The following STKLD1 variants were observed in gnomAD, a reference collection of about 807,000 sequenced individuals.
STKLD1 encodes serine/threonine kinase like domain containing 1, also known as serine/threonine kinase-like domain-containing protein STKLD1.
In STKLD1, 79 loss-of-function variants were observed where a neutral mutation model predicts 80.4. That is an observed-to-expected ratio of 0.98 (90% CI 0.82 to 1.19). The LOEUF (loss-of-function observed/expected upper bound fraction) is 1.19, where lower values mean the gene tolerates loss of function less well. STKLD1 is among the 50% of genes most tolerant of loss of function. STKLD1 has a pLI of 0.00. For missense variants in STKLD1, 841 were observed against 856.0 expected (o/e 0.98, Z 0.22); for synonymous variants, 393 against 357.6 (o/e 1.10, Z -1.12).
At chr9:133,397,016 AC>A (rs782384733) in intron 9 of STKLD1, 147 bp from the exon 10 acceptor site, 54 of 1,171,772 alleles carry the variant, frequency 4.6e-5, no homozygotes, top group Non-Finnish European at 6.3e-5. Flanking sequence ...ACTATGAGAG[AC>A]CCTGCCAAAT....
chr9:133,379,748 A>C (rs922206997), intron 2 of STKLD1, among the ~76,000 whole-genome samples: 1 of 152,112 alleles, frequency 6.6e-6, no homozygotes, highest in Non-Finnish European at 1.5e-5. Flanking sequence ...AGATCAACAG[A>C]GGGACTAGGG....
At chr9:133,382,649 G>A (rs1454967729) in intron 2 of STKLD1, among the ~76,000 whole-genome samples, 4 of 151,452 alleles carry the variant, frequency 2.6e-5, no homozygotes, top group African/African-American at 7.3e-5. Flanking sequence ...GATGATGGTG[G>A]TGGTGGTGTG....
rs2130253970 is a variant in STKLD1, at chr9:133,377,436, C to T, written c.87+876C>T. The stretch of plus-strand genomic sequence containing the variant: ...TCCCCAACACTTTGGGAGGCCAAGG[C>T]GGGCGGATCACCTGAGATCGGGAGT... On this transcript the variant is annotated intron_variant, in intron 1 of 17. Coordinates refer to ENST00000371957, the MANE Select transcript of STKLD1 (RefSeq NM_153710.5). 1.4e-4 allele frequency among the ~76,000 whole-genome samples: 21 copies of T among 152,320 alleles called. No homozygotes were observed. In the East Asian group the frequency reaches 2.7e-3, roughly 20 times the overall value.
Position 133,385,575 on chromosome 9 carries a change from A to C in STKLD1, c.220-42A>C. The C allele has an allele frequency of 1.3e-6, 2 of 1,594,204 alleles. No individual in the cohort carries two copies. The highest frequency in any genetic ancestry group is 2.2e-5 in the South Asian group (2 of 90,538). On this transcript the variant is annotated intron_variant, in intron 3 of 17. Coordinates refer to ENST00000371957, the MANE Select transcript of STKLD1 (RefSeq NM_153710.5). The surrounding 1 kb of genome is among the most constrained non-coding windows in gnomAD (Gnocchi z 4.9). ...GAAGCCCGAGCTGAGAAAGGCGTGG[A>C]GAGGCACTGACTTCTCCGTTTCCTC... is the stretch of plus-strand genomic sequence containing the variant.
intron 12 of STKLD1, among the ~76,000 whole-genome samples, chr9:133,400,946 G>A (rs1051704259): frequency 8.5e-5 from 13 of 152,284 alleles, no homozygotes; most frequent in African/African-American, 2.9e-4. Context: ...TGGACACGAG[G>A]TCCTCTGGAG....
Position 133,385,322 on chromosome 9 carries a change from T to A in STKLD1, c.220-295T>A, listed in dbSNP as rs1224087560. On this transcript the variant is annotated intron_variant, in intron 3 of 17. Transcript: ENST00000371957. The surrounding 1 kb of genome is among the most constrained non-coding windows in gnomAD (Gnocchi z 4.9). Reference sequence around the variant, plus strand: ...TGATCCCCACCTTCCTGGCACTGCCTGCCACAGCTCACTCACCCCCCATGG... The same window carrying A: ...TGATCCCCACCTTCCTGGCACTGCCAGCCACAGCTCACTCACCCCCCATGG... Among the ~76,000 whole-genome samples, 1 of 152,204 alleles carries A rather than the reference T, an allele frequency of 6.6e-6. No homozygotes were observed. The highest frequency in any genetic ancestry group is 1.5e-5 in the Non-Finnish European group (1 of 68,028).
chr9:133,395,014 A>G (rs587667229), intron 8 of STKLD1, among the ~76,000 whole-genome samples: 1 of 152,262 alleles, frequency 6.6e-6, no homozygotes, highest in East Asian at 1.9e-4. Context: ...TATCCTCTAT[A>G]TGCAGAAGAG....
chr9:133,383,213 ATGG>A (rs1206904204), intron 2 of STKLD1, among the ~76,000 whole-genome samples: 3 of 146,902 alleles, frequency 2.0e-5, no homozygotes, highest in South Asian at 2.3e-4. Flanking sequence ...TTTGGTAATG[ATGG>A]TGGTGATGGT....
intron 2 of STKLD1, among the ~76,000 whole-genome samples, chr9:133,379,956 G>C (rs1838095064): frequency 6.6e-6 from 1 of 152,176 alleles, no homozygotes; most frequent in Admixed American, 6.5e-5. Context: ...CTGCTCCCTT[G>C]CTGGCTGGCT....
intron 1 of STKLD1, among the ~76,000 whole-genome samples, chr9:133,377,491 C>T (rs1406198164): frequency 1.3e-5 from 2 of 152,170 alleles, no homozygotes; most frequent in Non-Finnish European, 2.9e-5. Flanking sequence ...CATGGAGAAA[C>T]TGTCTCTACT....
At chr9:133,397,765 A>G (rs587597896) in intron 10 of STKLD1, among the ~76,000 whole-genome samples, 1 of 152,196 alleles carries the variant, frequency 6.6e-6, no homozygotes, top group East Asian at 1.9e-4. Flanking sequence ...CAAGACAGAG[A>G]CTTGGGTTCT....
chr9:133,376,920 C>T (rs956420916), intron 1 of STKLD1, among the ~76,000 whole-genome samples: 1 of 152,106 alleles, frequency 6.6e-6, no homozygotes, highest in African/African-American at 2.4e-5. Context: ...CCTAAAAACA[C>T]CCCTGCAGCG....
intron 9 of STKLD1, among the ~76,000 whole-genome samples, chr9:133,396,841 G>A (rs1421628140): frequency 1.3e-5 from 2 of 152,118 alleles, no homozygotes; most frequent in Admixed American, 6.5e-5. Context: ...TTATACCAAC[G>A]CAGTTGTAAA....
In STKLD1 at chr9:133,389,639, G is replaced by A. The variant is rs2130284788; in HGVS notation, c.467+43G>A. 42 of 1,610,370 alleles carry A rather than the reference G, an allele frequency of 2.6e-5. 1 individual carries two copies. The Middle Eastern group carries it at 2.6e-3, about 101-fold the overall frequency. On this transcript the variant is annotated intron_variant, in intron 6 of 17. Coordinates refer to ENST00000371957, the MANE Select transcript of STKLD1 (RefSeq NM_153710.5). This position sits in a 1 kb window ranked among gnomAD's most constrained non-coding sequence, Gnocchi z 6.4. ...CCTCTGCGGACTGGCTGGCTGCTTCGGGAGAAAAGGCACTGAGGCCACTCG... is the reference window on the plus strand; with the variant it reads ...CCTCTGCGGACTGGCTGGCTGCTTCAGGAGAAAAGGCACTGAGGCCACTCG...
At chr9:133,388,425 TTAATAGAGACAA>T (rs1838311641) in intron 5 of STKLD1, among the ~76,000 whole-genome samples, 1 of 152,106 alleles carries the variant, frequency 6.6e-6, no homozygotes, top group Admixed American at 6.6e-5. Flanking sequence ...TTTTGTATTA[TTAATAGAGACAA>T]GGTTTTGCTA....
rs141790215 is a variant in STKLD1, at chr9:133,403,556, C to T, written c.1475-144C>T. 5,940 of 1,061,006 alleles carry T rather than the reference C, an allele frequency of 5.6e-3. 30 individuals carry two copies. Among genetic ancestry groups the T allele is most frequent in the Non-Finnish European group, 6.9e-3 (5,123 of 747,806 alleles). The allele number at this position is 1,061,006 out of a possible 1,614,324, so 65.7% of individuals were successfully genotyped here. On this transcript the variant is annotated intron_variant, in intron 14 of 17. Transcript: ENST00000371957. ...AGCCTCTCCTGGGCTAACCCCTGCA[C>T]CCGTCTCTGAGGACAGTTGACCTTT...
chr9:133,390,806 G>C lies in STKLD1; in HGVS notation c.583+10G>C. On this transcript the variant is annotated intron_variant, in intron 7 of 17. Transcript: ENST00000371957. The surrounding 1 kb of genome is among the most constrained non-coding windows in gnomAD (Gnocchi z 5.1). ...ATTCGTGCGGAGGAAGGTGGCAGGG[G>C]CTCCCCCAGGTTGTGGGAGAGGGGG... is the stretch of plus-strand genomic sequence containing the variant. 6.2e-7 allele frequency: 1 copy of C among 1,607,528 alleles called. No individual in the cohort carries two copies. Among genetic ancestry groups the C allele is most frequent in the Non-Finnish European group, 8.5e-7 (1 of 1,175,472 alleles).
intron 14 of STKLD1, among the ~76,000 whole-genome samples, chr9:133,403,374 T>A (rs970366779): frequency 2.8e-4 from 43 of 152,138 alleles, no homozygotes; most frequent in Admixed American, 2.8e-3. Flanking sequence ...TTGTTTTGAT[T>A]TTTGATTCAC....
rs587715582 is a variant in STKLD1 at position 133,399,848 on chromosome 9, C to T, written c.1082-565C>T. Among the ~76,000 whole-genome samples, 217 of 147,732 alleles carry T rather than the reference C, an allele frequency of 1.5e-3. 1 individual carries two copies. The highest frequency in any genetic ancestry group is 5.3e-3 in the African/African-American group (212 of 39,768). ...GAGCTGAGATGATGCCACTGCACAA[C>T]GGCCTAGGCGACAGAGTGAGACTCT... On this transcript the variant is annotated intron_variant, in intron 11 of 17. Coordinates refer to ENST00000371957, the MANE Select transcript of STKLD1 (RefSeq NM_153710.5).
Sources: allele counts gnomAD v4.1 joint callset (sites outside exome capture counted in the v4.1 genomes callset), GRCh38; gene constraint gnomAD v4.1.1; non-coding constraint Gnocchi (gnomAD v3.1); transcripts MANE v1.5; gene names NCBI Gene and HGNC (gene_info 2026-07-23, HGNC 2026-07-21).